The following HS6ST2 variants were observed in gnomAD, a reference collection of about 807,000 sequenced individuals.
HS6ST2 encodes heparan-sulfate 6-O-sulfotransferase 2.
Under a neutral mutation model 33.0 loss-of-function variants are expected in HS6ST2, and 17 were observed. The observed-to-expected ratio is 0.52, with a 90% CI of 0.35 to 0.77. The LOEUF (loss-of-function observed/expected upper bound fraction) is 0.77. HS6ST2 is among the 30% of genes least tolerant of loss of function. The pLI, the probability that HS6ST2 is intolerant of heterozygous loss-of-function variation, is 0.01. For missense variants in HS6ST2, 519 were observed against 551.7 expected (o/e 0.94, Z 0.59); for synonymous variants, 248 against 237.1 (o/e 1.05, Z -0.42).
chrX:132,933,470 T>C (rs1202102291), intron 2 of HS6ST2, among the ~76,000 whole-genome samples: 1 of 110,335 alleles, frequency 9.1e-6, no homozygotes, highest in Non-Finnish European at 1.9e-5. Flanking sequence ...GGACAGAACC[T>C]CAGAGAAATA....
rs750700384 is a variant in HS6ST2, at chrX:132,913,027, T to C, written c.947+43781A>G. 1.9e-3 allele frequency among the ~76,000 whole-genome samples: 206 copies of C among 110,643 alleles called. 1 individual carries two copies. The highest frequency in any genetic ancestry group is 6.5e-3 in the African/African-American group (199 of 30,399). ...ATACTCACAAACCAATCAGCGTGCA[T>C]CCCCTTCCGAGTCCATAAAAACCCC... On this transcript the variant is annotated intron_variant, in intron 2 of 4. Transcript: ENST00000370833.
intron 2 of HS6ST2, among the ~76,000 whole-genome samples, chrX:132,935,329 A>T (rs929265637): frequency 9.0e-6 from 1 of 111,474 alleles, no homozygotes; most frequent in Non-Finnish European, 1.9e-5. Context: ...GACATTCTCC[A>T]GGATAGAGCA....
chrX:132,751,696 C>A (rs1031193785), intron 2 of HS6ST2, among the ~76,000 whole-genome samples: 2 of 112,957 alleles, frequency 1.8e-5, no homozygotes, highest in African/African-American at 6.4e-5. Flanking sequence ...TTCACACTGT[C>A]ACTTCCGGGA....
chrX:132,744,515 G>A (rs1167238846), intron 2 of HS6ST2, among the ~76,000 whole-genome samples: 1 of 112,365 alleles, frequency 8.9e-6, no homozygotes, highest in Admixed American at 9.4e-5. Context: ...TGATTGCTAA[G>A]CAGATGCTTT....
At chrX:132,771,649 C>A (rs2064901881) in intron 2 of HS6ST2, among the ~76,000 whole-genome samples, 1 of 111,683 alleles carries the variant, frequency 9.0e-6, no homozygotes, top group African/African-American at 3.3e-5. Context: ...CCTTTGAGTT[C>A]AAATTCAAAG....
chrX:132,860,406 C>A (rs1366564187), intron 2 of HS6ST2, among the ~76,000 whole-genome samples: 1 of 112,473 alleles, frequency 8.9e-6, no homozygotes, highest in Non-Finnish European at 1.9e-5. Context: ...TCTGCTAAAT[C>A]TGCCCACACA....
chrX:132,790,617 T>A (rs753622781), intron 2 of HS6ST2, among the ~76,000 whole-genome samples: 9 of 112,182 alleles, frequency 8.0e-5, no homozygotes, highest in Non-Finnish European at 1.5e-4. Context: ...ATTTTGGTCA[T>A]GAAACTAATT....
intron 2 of HS6ST2, among the ~76,000 whole-genome samples, chrX:132,900,797 A>T (rs1933136667): frequency 9.0e-6 from 1 of 111,210 alleles, no homozygotes; most frequent in African/African-American, 3.3e-5. Flanking sequence ...AACATCTGTT[A>T]TTCATGTCAT....
chrX:132,901,684 G>A (rs1345773633), intron 2 of HS6ST2, among the ~76,000 whole-genome samples: 2 of 111,680 alleles, frequency 1.8e-5, no homozygotes, highest in Admixed American at 9.6e-5. Flanking sequence ...CAGTTTAAGG[G>A]CAGAACAGTC....
intron 4 of HS6ST2, among the ~76,000 whole-genome samples, chrX:132,655,468 T>G (rs1569477947): frequency 8.9e-6 from 1 of 112,086 alleles, no homozygotes; most frequent in African/African-American, 3.2e-5. Context: ...CTCCCCATTT[T>G]ACAAATGAGA....
In HS6ST2 at chrX:132,637,909, TATA is replaced by T. The variant is rs1226514427; in HGVS notation, c.1068-8819_1068-8817del. ...ATAATATTTTATATATAATATTATA[TATA>T]ATATTTTATATATATATTATATATA... On this transcript the variant is annotated intron_variant, in intron 4 of 4. Transcript: ENST00000370833. Among the ~76,000 whole-genome samples, 3 of 50,466 alleles carry T rather than the reference TATA, an allele frequency of 5.9e-5. No individual in the cohort carries two copies. The African/African-American group carries it at 6.6e-4, about 11-fold the overall frequency. 43.8% of individuals were successfully genotyped at this position (50,466 alleles called of 115,157 possible).
intron 3 of HS6ST2, chrX:132,669,519 G>C (rs1279110580): frequency 1.3e-5 from 2 of 156,275 alleles, no homozygotes; most frequent in Non-Finnish European, 2.4e-5. Flanking sequence ...AAAAAAAAAA[G>C]TATAAAAATA....
At chrX:132,671,301 G>T (rs1047697775) in intron 3 of HS6ST2, among the ~76,000 whole-genome samples, 2 of 111,688 alleles carry the variant, frequency 1.8e-5, no homozygotes, top group African/African-American at 6.5e-5. Flanking sequence ...CACTTAAGCA[G>T]TAGGCAGTGG....
At chrX:132,769,680 CAA>C (rs1369230715) in intron 2 of HS6ST2, among the ~76,000 whole-genome samples, 1 of 112,476 alleles carries the variant, frequency 8.9e-6, no homozygotes, top group Non-Finnish European at 1.9e-5. Flanking sequence ...TCCAGGCCAG[CAA>C]TAGGCATGTT....
chrX:132,644,037 A>C (rs1347304228), intron 4 of HS6ST2, among the ~76,000 whole-genome samples: 1 of 111,946 alleles, frequency 8.9e-6, no homozygotes, highest in Non-Finnish European at 1.9e-5. Context: ...AGTGGATTTA[A>C]GGCCAGAGAT....
chrX:132,785,741 C>T (rs1357474900), intron 2 of HS6ST2, among the ~76,000 whole-genome samples: 1 of 112,139 alleles, frequency 8.9e-6, no homozygotes, highest in Non-Finnish European at 1.9e-5. Context: ...AGTTCATGTG[C>T]TCTCAGAGGT....
At chrX:132,846,082 A>T (rs1371305466) in intron 2 of HS6ST2, among the ~76,000 whole-genome samples, 4 of 111,941 alleles carry the variant, frequency 3.6e-5, no homozygotes, top group Non-Finnish European at 7.5e-5. Context: ...GGACAATGAA[A>T]TGTGAATTTC....
At chrX:132,803,201 C>T (rs1381701212) in intron 2 of HS6ST2, among the ~76,000 whole-genome samples, 1 of 111,578 alleles carries the variant, frequency 9.0e-6, no homozygotes, top group Non-Finnish European at 1.9e-5. Flanking sequence ...AGCTTCTTCA[C>T]TTACTTTTCC....
chrX:132,767,799 T>C (rs1300453730), intron 2 of HS6ST2, among the ~76,000 whole-genome samples: 1 of 110,994 alleles, frequency 9.0e-6, no homozygotes, highest in Non-Finnish European at 1.9e-5. Context: ...CCCTTTGAGG[T>C]GGGTAGTATG....
Sources: gnomAD v4.1 joint callset for allele counts (sites outside exome capture counted in the v4.1 genomes callset) on GRCh38, gnomAD v4.1.1 for gene constraint, MANE v1.5 for transcripts, NCBI Gene and HGNC (gene_info 2026-07-23, HGNC 2026-07-21) for gene names.